SAG: variants seen among roughly 807,000 people sequenced by gnomAD.
SAG encodes the protein S-arrestin.
Under a neutral mutation model 55.0 loss-of-function variants are expected in SAG, and 45 were observed. That is an observed-to-expected ratio of 0.82 (90% confidence interval 0.64 to 1.05). The LOEUF (loss-of-function observed/expected upper bound fraction) is 1.05, where lower values mean the gene tolerates loss of function less well. Ranked by LOEUF, SAG falls within the 50% of genes least tolerant of loss-of-function variation. The pLI, the probability that SAG is intolerant of heterozygous loss-of-function variation, is 0.00. For synonymous variants in SAG, 189 were observed against 197.4 expected (o/e 0.96, Z 0.36); for missense variants, 455 against 512.1 (o/e 0.89, Z 1.08).
chr2:233,331,265 C>T (rs577519470), intron 9 of SAG, among the ~76,000 whole-genome samples: 275 of 152,340 alleles, frequency 1.8e-3, no homozygotes, highest in African/African-American at 6.3e-3. Context: ...CTATCCACCA[C>T]GTTCCACCCA....
chr2:233,342,653 T>A (rs1701138160), intron 14 of SAG: 1 of 262,050 alleles, frequency 3.8e-6, no homozygotes, highest in Admixed American at 5.2e-5. Flanking sequence ...GAATTAAAGA[T>A]GATTTAGGTA....
intron 2 of SAG, among the ~76,000 whole-genome samples, chr2:233,315,005 G>T (rs1671392485): frequency 6.6e-6 from 1 of 152,202 alleles, no homozygotes; most frequent in South Asian, 2.1e-4. Context: ...GATGCTTAAA[G>T]ATGTGCAGAG....
intron 11 of SAG, 91 bp from the exon 12 acceptor site, chr2:233,338,585 C>A: frequency 1.8e-6 from 2 of 1,133,656 alleles, no homozygotes; most frequent in African/African-American, 1.5e-5. Context: ...ACCTCCATGA[C>A]GGCATGCCTG....
At chr2:233,312,714 G>C (rs542312311) in intron 2 of SAG, among the ~76,000 whole-genome samples, 1 of 152,108 alleles carries the variant, frequency 6.6e-6, no homozygotes, top group Non-Finnish European at 1.5e-5. Context: ...TCGGGGCCCC[G>C]GGCTTCGTAT....
intron 5 of SAG, 61 bp downstream of exon 5, chr2:233,320,884 G>A (rs1700362203): frequency 2.9e-6 from 4 of 1,403,098 alleles, no homozygotes; most frequent in Admixed American, 2.4e-5. Context: ...CATGTGGATG[G>A]GGGCAAAGGA....
At chr2:233,308,408 G>A (rs1436644516) in intron 1 of SAG, among the ~76,000 whole-genome samples, 3 of 151,938 alleles carry the variant, frequency 2.0e-5, no homozygotes, top group Non-Finnish European at 2.9e-5. Context: ...TCGAGGCTGC[G>A]GTGAGCTATG....
chr2:233,322,202 A>G (rs1375278021), intron 5 of SAG, among the ~76,000 whole-genome samples: 1 of 151,574 alleles, frequency 6.6e-6, no homozygotes, highest in Non-Finnish European at 1.5e-5. Flanking sequence ...AAAAAAAAAA[A>G]AAAAAAAGTG....
chr2:233,313,948 G>A (rs1336105972), intron 2 of SAG, among the ~76,000 whole-genome samples: 8 of 151,804 alleles, frequency 5.3e-5, no homozygotes, highest in Non-Finnish European at 7.4e-5. Context: ...CAGGTACAGT[G>A]GTGGCTCATG....
intron 11 of SAG, among the ~76,000 whole-genome samples, chr2:233,338,252 T>C (rs574049962): frequency 6.6e-6 from 1 of 152,314 alleles, no homozygotes; most frequent in East Asian, 1.9e-4. Flanking sequence ...AACCTGCAGA[T>C]GGCCACAGAG....
chr2:233,328,376 G>T, intron 7 of SAG, 102 bp from the exon 8 acceptor site: 1 of 1,388,314 alleles, frequency 7.2e-7, no homozygotes, highest in Admixed American at 2.0e-5. Context: ...TCCATGGGGA[G>T]CATTCCTGGA....
chr2:233,330,535 T>G (rs1382176756), intron 9 of SAG, among the ~76,000 whole-genome samples: 1 of 134,648 alleles, frequency 7.4e-6, no homozygotes, highest in Admixed American at 8.0e-5. Context: ...CTTCCTTCCT[T>G]CCTTCCTCCC....
At chr2:233,338,932 A>C (rs1701018932) in intron 12 of SAG, 179 bp downstream of exon 12, 1 of 700,958 alleles carries the variant, frequency 1.4e-6, no homozygotes, top group African/African-American at 1.8e-5. Flanking sequence ...TCTGTCTGAT[A>C]AAATGTCAGG....
Position 233,319,594 on chromosome 2 carries a change from G to A in SAG, c.181+799G>A. 1 of 986,550 alleles carries A rather than the reference G, an allele frequency of 1.0e-6. No individual in the cohort carries two copies. The highest frequency in any genetic ancestry group is 1.2e-6 in the Non-Finnish European group (1 of 830,766). The allele number at this position is 986,550 out of a possible 1,614,324, so 61.1% of individuals were successfully genotyped here. ...GCTATGGGGCCATCAGCATTGAGGG[G>A]GCATGGCTGAAATGGGGCCCCAAAC... is the stretch of plus-strand genomic sequence containing the variant. On this transcript the variant is annotated intron_variant, in intron 4 of 15. Transcript: ENST00000409110. This position sits in a 1 kb window ranked among gnomAD's most constrained non-coding sequence, Gnocchi z 4.4.
At chr2:233,315,281 CTTTTTTTTTTTTTTT>C (rs5839476) in intron 2 of SAG, among the ~76,000 whole-genome samples, 6 of 69,378 alleles carry the variant, frequency 8.6e-5, no homozygotes, top group East Asian at 6.0e-4. Flanking sequence ...TCCAGAAGTT[CTTTTTTTTTTTTTTT>C]TTTTTTTTTT....
Position 233,340,900 on chromosome 2 carries a change from A to G in SAG, c.1046+422A>G, listed in dbSNP as rs1421718918. 1.3e-5 allele frequency among the ~76,000 whole-genome samples: 2 copies of G among 151,930 alleles called. No homozygotes were observed. The highest frequency in any genetic ancestry group is 3.9e-4 in the East Asian group (2 of 5,192). On this transcript the variant is annotated intron_variant, in intron 13 of 15. Coordinates refer to ENST00000409110, the MANE Select transcript of SAG (RefSeq NM_000541.5). This position sits in a 1 kb window ranked among gnomAD's most constrained non-coding sequence, Gnocchi z 4.2. The stretch of plus-strand genomic sequence containing the variant: ...GTGATCTCGGCTCACCGTGACCTCC[A>G]CTTCCTGGGTTCAGGCAATCCTCCC...
intron 2 of SAG, among the ~76,000 whole-genome samples, chr2:233,311,233 T>G (rs1222715882): frequency 6.6e-6 from 1 of 152,158 alleles, no homozygotes; most frequent in Non-Finnish European, 1.5e-5. Context: ...TTCTCTGTGA[T>G]TCTCCCGACG....
intron 10 of SAG, chr2:233,333,817 C>A (rs1700844467): frequency 6.6e-6 from 1 of 152,236 alleles, no homozygotes; most frequent in South Asian, 2.1e-4. Context: ...AGAGGTTCCA[C>A]CAGGACCCAG....
At chr2:233,324,630 T>C (rs1334290594) in intron 6 of SAG, among the ~76,000 whole-genome samples, 1 of 151,318 alleles carries the variant, frequency 6.6e-6, no homozygotes, top group Non-Finnish European at 1.5e-5. Context: ...GGACTGAGGG[T>C]GTGTGAGAGA....
chr2:233,333,336 T>C (rs1394574790), intron 10 of SAG: 1 of 152,256 alleles, frequency 6.6e-6, no homozygotes, highest in Non-Finnish European at 1.5e-5. Flanking sequence ...CAAAGGATCC[T>C]GGCTGAGTTT....
Sources: allele counts gnomAD v4.1 joint callset (sites outside exome capture counted in the v4.1 genomes callset), GRCh38; gene constraint gnomAD v4.1.1; non-coding constraint Gnocchi (gnomAD v3.1); transcripts MANE v1.5; gene names NCBI Gene and HGNC (gene_info 2026-07-23, HGNC 2026-07-21).